The following TMCC2 variants were observed in gnomAD, a reference collection of about 807,000 sequenced individuals.
TMCC2 encodes the protein transmembrane and coiled-coil domains protein 2.
Under a neutral mutation model 49.4 loss-of-function variants are expected in TMCC2, and 16 were observed. The ratio of observed to expected loss-of-function variants is 0.32; its 90% CI spans 0.22 to 0.49. TMCC2 has a LOEUF of 0.49. Among genes scored for constraint, TMCC2 ranks in the 20% least tolerant of loss-of-function variants. TMCC2 has a pLI of 0.99. For synonymous variants in TMCC2, 397 were observed against 434.1 expected, an observed-to-expected ratio of 0.91 and a Z score of 1.06; for missense variants, 762 against 989.8, an observed-to-expected ratio of 0.77 and a Z score of 3.09.
intron 2 of TMCC2, among the ~76,000 whole-genome samples, chr1:205,260,682 C>T (rs1209645133): frequency 2.0e-5 from 3 of 146,754 alleles, no homozygotes; most frequent in Non-Finnish European, 4.5e-5. Flanking sequence ...CCCATTCCTT[C>T]CCCCACCCCC....
At chr1:205,268,411 C>G (rs1373401530) in intron 2 of TMCC2, among the ~76,000 whole-genome samples, 1 of 152,112 alleles carries the variant, frequency 6.6e-6, no homozygotes, top group Non-Finnish European at 1.5e-5. Context: ...GTCAGGAGTT[C>G]GAGACCAGCC....
chr1:205,266,710 A>AT (rs988507200), intron 2 of TMCC2, among the ~76,000 whole-genome samples: 6 of 151,932 alleles, frequency 3.9e-5, no homozygotes, highest in Admixed American at 6.6e-5. Context: ...GATTGCAGGC[A>AT]TTTTTTCTCC....
At chr1:205,232,934 C>CAAAAAAAAA (rs35561522) in intron 1 of TMCC2, among the ~76,000 whole-genome samples, 3 of 45,596 alleles carry the variant, frequency 6.6e-5, no homozygotes, top group African/African-American at 9.0e-5. Context: ...GACCCTATCT[C>CAAAAAAAAA]AAAAAAAAAA....
rs576451768 is a variant in TMCC2, at chr1:205,241,275, A to G, written c.208-230A>G. Among the ~76,000 whole-genome samples the G allele has an allele frequency of 6.6e-6, 1 of 152,280 alleles. No individual in the cohort carries two copies. The highest frequency in any genetic ancestry group is 2.1e-4 in the South Asian group (1 of 4,816). On this transcript the variant is annotated intron_variant, in intron 1 of 4. Transcript: ENST00000358024. This position sits in a 1 kb window ranked among gnomAD's most constrained non-coding sequence, Gnocchi z 7.3. ...CATTTTGATTAGGAATGTCCCGTGGAAAACCGTGGGGGCACACTTCTTTCG... is the reference window on the plus strand; with the variant it reads ...CATTTTGATTAGGAATGTCCCGTGGGAAACCGTGGGGGCACACTTCTTTCG...
intron 3 of TMCC2, 134 bp downstream of exon 3, chr1:205,270,018 A>T: frequency 1.2e-6 from 1 of 815,398 alleles, no homozygotes; most frequent in East Asian, 2.6e-5. Context: ...AGGAGCCAGC[A>T]CGAGGCCCTA....
rs1044703198 is a variant in TMCC2, at chr1:205,269,792, G to A, written c.1590G>A (p.Gln530=). The A allele has an allele frequency of 1.2e-6, 2 of 1,614,204 alleles. No individual in the cohort carries two copies. Among genetic ancestry groups the A allele is most frequent in the African/African-American group, 1.3e-5 (1 of 75,062 alleles). Reference sequence around the variant, plus strand: ...AGCTACGGGAGATCAAGGAGGGACAGTCTCACCTGGAGGACTCCATGGAAG... The same window carrying A: ...AGCTACGGGAGATCAAGGAGGGACAATCTCACCTGGAGGACTCCATGGAAG... ...LEELREIKEG[Q]SHLEDSMEDL... The change falls in exon 3 of 5, where the codon CAG becomes CAA. Residue 530 remains glutamine, a synonymous_variant. Transcript: ENST00000358024.
At chr1:205,271,417 G>T in intron 4 of TMCC2, 162 bp downstream of exon 4, 1 of 1,211,800 alleles carries the variant, frequency 8.3e-7, no homozygotes, top group African/African-American at 1.5e-5. Flanking sequence ...CGGGAGCGGA[G>T]TGGAGTGAGC....
chr1:205,259,866 G>C (rs1305481839), intron 2 of TMCC2, among the ~76,000 whole-genome samples: 1 of 152,238 alleles, frequency 6.6e-6, no homozygotes, highest in Non-Finnish European at 1.5e-5. Flanking sequence ...GGAGCCCCCA[G>C]GTGTGCGTGG....
Position 205,241,576 on chromosome 1 carries a change from G to A in TMCC2, c.279G>A (p.Arg93=), listed in dbSNP as rs746634835. The change falls in exon 2 of 5, where the codon CGG becomes CGA. Residue 93 remains arginine, a synonymous_variant. Coordinates refer to ENST00000358024, the MANE Select transcript of TMCC2 (RefSeq NM_014858.4). The surrounding 1 kb of genome is among the most constrained non-coding windows in gnomAD (Gnocchi z 7.3). ...GLKHLFHSRR[R]SREREHQTSQ... Reference sequence around the variant, plus strand: ...AGCACCTGTTCCACAGCCGCCGTCGGTCTCGGGAAAGGGAGCACCAGACGT... The same window carrying A: ...AGCACCTGTTCCACAGCCGCCGTCGATCTCGGGAAAGGGAGCACCAGACGT... The A allele has an allele frequency of 1.9e-6, 3 of 1,613,848 alleles. No individual in the cohort carries two copies. The highest frequency in any genetic ancestry group is 1.1e-5 in the South Asian group (1 of 91,082).
chr1:205,233,483 C>A (rs965623487), intron 1 of TMCC2, among the ~76,000 whole-genome samples: 3 of 152,094 alleles, frequency 2.0e-5, no homozygotes, highest in African/African-American at 7.2e-5. Context: ...CAACTGAGTC[C>A]TGTGTGGTTC....
Position 205,231,409 on chromosome 1 carries a change from A to G in TMCC2, c.207+2638A>G, listed in dbSNP as rs372861600. Among the ~76,000 whole-genome samples the G allele has an allele frequency of 2.6e-3, 388 of 152,034 alleles. 3 individuals carry two copies. The highest frequency in any genetic ancestry group is 8.5e-3 in the African/African-American group (351 of 41,488). Reference sequence around the variant, plus strand: ...ACTCCCAGGCTCAAGTGACTCCCCAATCTCAGCCTCCCAAGTAGCTGGTAC... The same window carrying G: ...ACTCCCAGGCTCAAGTGACTCCCCAGTCTCAGCCTCCCAAGTAGCTGGTAC... On this transcript the variant is annotated intron_variant, in intron 1 of 4. Coordinates refer to ENST00000358024, the MANE Select transcript of TMCC2 (RefSeq NM_014858.4).
chr1:205,271,080 G>A lies in TMCC2; in HGVS notation c.1683-40G>A, dbSNP rs16855306. On this transcript the variant is annotated intron_variant, in intron 3 of 4. Transcript: ENST00000358024. Reference sequence around the variant, plus strand: ...CAACTGTGGGAGAGAGTGGAAGCTCGGGGAGCCAGGACTGGTGTCACTCTC... The same window carrying A: ...CAACTGTGGGAGAGAGTGGAAGCTCAGGGAGCCAGGACTGGTGTCACTCTC... 754 of 1,606,572 alleles carry A rather than the reference G, an allele frequency of 4.7e-4. 2 individuals carry two copies. In the African/African-American group the frequency reaches 9.2e-3, roughly 20 times the overall value.
intron 1 of TMCC2, among the ~76,000 whole-genome samples, chr1:205,238,909 C>G (rs920780805): frequency 6.6e-6 from 1 of 152,140 alleles, no homozygotes; most frequent in South Asian, 2.1e-4. Context: ...ATTATAATGA[C>G]AGTATAAATC....
chr1:205,262,192 T>A (rs1292015878), intron 2 of TMCC2, among the ~76,000 whole-genome samples: 1 of 152,096 alleles, frequency 6.6e-6, no homozygotes, highest in Non-Finnish European at 1.5e-5. Context: ...GCCAGCTCCC[T>A]CCACGGGGAA....
chr1:205,244,087 T>A (rs202220688), intron 2 of TMCC2, among the ~76,000 whole-genome samples: 50 of 152,160 alleles, frequency 3.3e-4, no homozygotes, highest in Non-Finnish European at 5.9e-5. Flanking sequence ...GCAGTGGCTG[T>A]CATTGGGAAC....
intron 2 of TMCC2, among the ~76,000 whole-genome samples, chr1:205,243,303 G>T (rs553129565): frequency 2.0e-3 from 300 of 152,286 alleles, no homozygotes; most frequent in African/African-American, 6.7e-3. Flanking sequence ...AGAATTGCTT[G>T]AACCTGGGAG....
At chr1:205,232,934 C>CAA (rs35561522) in intron 1 of TMCC2, among the ~76,000 whole-genome samples, 16 of 45,562 alleles carry the variant, frequency 3.5e-4, no homozygotes, top group Non-Finnish European at 4.9e-4. Context: ...GACCCTATCT[C>CAA]AAAAAAAAAA....
In TMCC2 at chr1:205,264,304, T is replaced by G. The variant is rs1457583968; in HGVS notation, c.748-4646T>G. ...ATGAAAATAGAAAATAGTGTGACAC[T>G]GTTGTTTCTTGTTTTTTGTTTTTTG... is the stretch of plus-strand genomic sequence containing the variant. On this transcript the variant is annotated intron_variant, in intron 2 of 4. Transcript: ENST00000358024. The surrounding 1 kb of genome is among the most constrained non-coding windows in gnomAD (Gnocchi z 4.2). Among the ~76,000 whole-genome samples the G allele has an allele frequency of 6.6e-6, 1 of 152,140 alleles. No homozygotes were observed. The highest frequency in any genetic ancestry group is 1.5e-5 in the Non-Finnish European group (1 of 68,036).
chr1:205,248,489 T>C (rs1409272165), intron 2 of TMCC2, among the ~76,000 whole-genome samples: 1 of 152,202 alleles, frequency 6.6e-6, no homozygotes, highest in Non-Finnish European at 1.5e-5. Flanking sequence ...CTGCTCTCTA[T>C]GTCTTAGATT....
Sources: allele counts gnomAD v4.1 joint callset (sites outside exome capture counted in the v4.1 genomes callset), GRCh38; gene constraint gnomAD v4.1.1; non-coding constraint Gnocchi (gnomAD v3.1); transcripts MANE v1.5; gene names NCBI Gene and HGNC (gene_info 2026-07-23, HGNC 2026-07-21).